ZMIZ1: variants seen among roughly 807,000 people sequenced by gnomAD.
ZMIZ1 encodes the protein zinc finger MIZ domain-containing protein 1.
ZMIZ1 carries 17 observed loss-of-function variants against 113.9 expected under a neutral mutation model. The ratio of observed to expected loss-of-function variants is 0.15; its 90% CI spans 0.10 to 0.22. ZMIZ1 has a LOEUF of 0.22. Ranked by LOEUF, ZMIZ1 falls within the 10% of genes least tolerant of loss-of-function variation. ZMIZ1 has a pLI of 1.00. For missense variants in ZMIZ1, 1,059 were observed against 1,477.8 expected (o/e 0.72, Z 4.65); for synonymous variants, 607 against 603.1 (o/e 1.01, Z -0.09).
chr10:79,152,402 A>G (rs1402413114), intron 3 of ZMIZ1, among the ~76,000 whole-genome samples: 1 of 152,290 alleles, frequency 6.6e-6, no homozygotes, highest in East Asian at 1.9e-4. Flanking sequence ...TGGAGGGTTG[A>G]GGTGGGAGGA....
intron 7 of ZMIZ1, among the ~76,000 whole-genome samples, chr10:79,218,621 G>C (rs1399007804): frequency 6.7e-6 from 1 of 149,556 alleles, no homozygotes; most frequent in East Asian, 1.9e-4. Flanking sequence ...CTGTCTGTCT[G>C]TGTAAGCTCA....
At chr10:79,239,477 A>G (rs553166345) in intron 7 of ZMIZ1, among the ~76,000 whole-genome samples, 1 of 152,238 alleles carries the variant, frequency 6.6e-6, no homozygotes, top group East Asian at 1.9e-4. Context: ...CTGAGCGCCT[A>G]CGCCCGCATG....
intron 7 of ZMIZ1, among the ~76,000 whole-genome samples, chr10:79,255,193 G>A (rs1027076578): frequency 1.3e-5 from 2 of 152,206 alleles, no homozygotes; most frequent in Non-Finnish European, 2.9e-5. Context: ...ACACTGCCCT[G>A]CTCCTGCCAC....
chr10:79,105,808 T>A (rs1326431463), intron 1 of ZMIZ1, among the ~76,000 whole-genome samples: 1 of 152,254 alleles, frequency 6.6e-6, no homozygotes, highest in Non-Finnish European at 1.5e-5. Flanking sequence ...AATTGATTAT[T>A]AAGCTAATGG....
chr10:79,263,762 C>CT (rs1245923833), intron 7 of ZMIZ1, among the ~76,000 whole-genome samples: 1 of 152,114 alleles, frequency 6.6e-6, no homozygotes. Flanking sequence ...GACAAGGTCT[C>CT]TCGGTGCTCA....
chr10:79,217,952 A>G (rs977724045), intron 7 of ZMIZ1, among the ~76,000 whole-genome samples: 5 of 152,262 alleles, frequency 3.3e-5, no homozygotes, highest in Non-Finnish European at 7.3e-5. Flanking sequence ...GACTTATCAA[A>G]GACACATACC....
chr10:79,098,428 C>G (rs768260653), intron 1 of ZMIZ1, among the ~76,000 whole-genome samples: 1 of 152,208 alleles, frequency 6.6e-6, no homozygotes, highest in Non-Finnish European at 1.5e-5. Context: ...GTGACTCGAC[C>G]GCTCTGTGCC....
At chr10:79,228,047 G>A (rs1462124189) in intron 7 of ZMIZ1, among the ~76,000 whole-genome samples, 1 of 152,208 alleles carries the variant, frequency 6.6e-6, no homozygotes, top group Admixed American at 6.5e-5. Context: ...TCCTGTCTGT[G>A]CCCTGGGTGA....
chr10:79,175,583 CGTGTGTGT>C (rs757004699), intron 4 of ZMIZ1, among the ~76,000 whole-genome samples: 2,127 of 125,322 alleles, frequency 0.017, 27 homozygotes, highest in African/African-American at 0.027. Context: ...GTGCACTCTG[CGTGTGTGT>C]GTGTGTGTGT....
chr10:79,156,892 C>G (rs1240017730), intron 3 of ZMIZ1, among the ~76,000 whole-genome samples: 13 of 152,164 alleles, frequency 8.5e-5, no homozygotes, highest in Non-Finnish European at 2.9e-5. Context: ...CTCTGCTGTG[C>G]CTGGAATGAG....
Position 79,299,096 on chromosome 10 carries a change from C to G in ZMIZ1, c.1713C>G (p.Gly571=), listed in dbSNP as rs756844568. ...GGCTCACATTCCCTGTGCGGGATGG[C>G]GTGGTGCTGGAGCCCTTCCGCCTGG... The part of the protein sequence containing the change: ...ELRLTFPVRD[G]VVLEPFRLEH... Residue 571 remains glycine, a synonymous_variant, in exon 16 of 25, where the codon GGC becomes GGG. Coordinates refer to ENST00000334512, the MANE Select transcript of ZMIZ1 (RefSeq NM_020338.4). 1 of 1,612,452 alleles carries G rather than the reference C, an allele frequency of 6.2e-7. No individual in the cohort carries two copies. The highest frequency in any genetic ancestry group is 1.3e-5 in the African/African-American group (1 of 74,934).
chr10:79,296,893 T>C lies in ZMIZ1; in HGVS notation c.1413+240T>C. On this transcript the variant is annotated intron_variant, in intron 13 of 24. Transcript: ENST00000334512. This position sits in a 1 kb window ranked among gnomAD's most constrained non-coding sequence, Gnocchi z 4.1. ...TGATGGTTTTTTTTTCTCCTTTTCT[T>C]ATTCACGGCACTCACAAAATAATAA... is the stretch of plus-strand genomic sequence containing the variant. 5.0e-6 allele frequency: 2 copies of C among 397,932 alleles called. No individual in the cohort carries two copies. Among genetic ancestry groups the C allele is most frequent in the Admixed American group, 4.3e-5 (1 of 23,454 alleles). The allele number at this position is 397,932 out of a possible 1,614,324, so 24.7% of individuals were successfully genotyped here. A position where few individuals can be genotyped will look rare whatever the true frequency, so the allele number is the denominator to read the frequency against.
At position 79,312,629 on chromosome 10, in the gene ZMIZ1, C is replaced by T; in HGVS notation, c.3097-13C>T. On this transcript the variant is annotated splice_polypyrimidine_tract_variant and intron_variant, in intron 24 of 24. Coordinates refer to ENST00000334512, the MANE Select transcript of ZMIZ1 (RefSeq NM_020338.4). ...CACACCTCATCTGAACTTCATTACT[C>T]CTTCTTTTCCAGCTCCTTCCCGAAC... The T allele has an allele frequency of 6.2e-7, 1 of 1,614,032 alleles. No homozygotes were observed.
Position 79,162,172 on chromosome 10 carries a change from G to A in ZMIZ1, c.-50+39G>A, listed in dbSNP as rs186533945. 1.2e-3 allele frequency: 474 copies of A among 399,170 alleles called. 2 individuals are homozygous for A. Among genetic ancestry groups the A allele is most frequent in the African/African-American group, 8.3e-3 (407 of 48,750 alleles). 24.7% of individuals were successfully genotyped at this position (399,170 alleles called of 1,614,324 possible). A position where few individuals can be genotyped will look rare whatever the true frequency, so the allele number is the denominator to read the frequency against. Reference sequence around the variant, plus strand: ...GGGGCTGGCGGGAGGTGGCTGGGTCGGACGCAGGTGAGTCCTCATGAGGGC... The same window carrying A: ...GGGGCTGGCGGGAGGTGGCTGGGTCAGACGCAGGTGAGTCCTCATGAGGGC... On this transcript the variant is annotated intron_variant, in intron 4 of 24. Transcript: ENST00000334512.
intron 2 of ZMIZ1, among the ~76,000 whole-genome samples, chr10:79,120,619 C>T (rs952266853): frequency 2.0e-5 from 3 of 152,200 alleles, no homozygotes; most frequent in African/African-American, 4.8e-5. Context: ...AAACAGGAAT[C>T]GTCCCTGTCC....
intron 4 of ZMIZ1, among the ~76,000 whole-genome samples, chr10:79,199,993 G>A (rs1307235564): frequency 1.3e-5 from 2 of 152,220 alleles, no homozygotes; most frequent in East Asian, 1.9e-4. Context: ...CACCAGCTGC[G>A]AGGACTTGGC....
chr10:79,080,471 G>T (rs546585828), intron 1 of ZMIZ1, among the ~76,000 whole-genome samples: 5 of 152,072 alleles, frequency 3.3e-5, no homozygotes, highest in African/African-American at 1.2e-4. Context: ...ACCATGCCCA[G>T]CTGATTTTTG....
intron 24 of ZMIZ1, among the ~76,000 whole-genome samples, chr10:79,312,269 TC>T (rs1477518419): frequency 6.6e-6 from 1 of 152,216 alleles, no homozygotes; most frequent in African/African-American, 2.4e-5. Flanking sequence ...CCAGCCCACC[TC>T]CTTGTGCTTA....
intron 1 of ZMIZ1, among the ~76,000 whole-genome samples, chr10:79,110,895 A>G (rs1843715495): frequency 2.0e-5 from 3 of 152,260 alleles, no homozygotes; most frequent in Non-Finnish European, 4.4e-5. Context: ...CTGGAAGCAC[A>G]GATGATACCT....
Sources: gnomAD v4.1 joint callset for allele counts (sites outside exome capture counted in the v4.1 genomes callset) on GRCh38, gnomAD v4.1.1 for gene constraint, Gnocchi (gnomAD v3.1) non-coding constraint, MANE v1.5 for transcripts, NCBI Gene and HGNC (gene_info 2026-07-23, HGNC 2026-07-21) for gene names.